NAALADL2: variants seen among roughly 807,000 people sequenced by gnomAD.
NAALADL2 encodes the protein inactive N-acetylated-alpha-linked acidic dipeptidase-like protein 2.
NAALADL2 carries 76 observed loss-of-function variants against 87.2 expected under a neutral mutation model. The observed-to-expected ratio is 0.87, with a 90% CI of 0.72 to 1.05. The LOEUF is 1.05. Among genes scored for constraint, NAALADL2 ranks in the 50% least tolerant of loss-of-function variants. NAALADL2 has a pLI of 0.00. For synonymous variants in NAALADL2, 354 were observed against 331.0 expected (o/e 1.07, Z -0.75); for missense variants, 1,089 against 945.8 (o/e 1.15, Z -1.99).
intron 2 of NAALADL2, among the ~76,000 whole-genome samples, chr3:175,157,761 C>T (rs534613677): frequency 1.6e-4 from 24 of 152,094 alleles, no homozygotes; most frequent in Admixed American, 2.6e-4. Context: ...AAAGTTATCT[C>T]GTAGAACAGT....
intron 2 of NAALADL2, among the ~76,000 whole-genome samples, chr3:175,120,636 A>C (rs1378255231): frequency 3.3e-5 from 5 of 151,822 alleles, no homozygotes; most frequent in Non-Finnish European, 5.9e-5. Flanking sequence ...TGCAATAAAA[A>C]GTCTGTTATC....
intron 1 of NAALADL2, among the ~76,000 whole-genome samples, chr3:174,890,471 A>G (rs917057063): frequency 2.6e-5 from 4 of 152,204 alleles, no homozygotes; most frequent in African/African-American, 9.7e-5. Flanking sequence ...GAAGCTAAAT[A>G]ATTAACTGTT....
chr3:174,901,911 C>A (rs1410868368), intron 1 of NAALADL2, among the ~76,000 whole-genome samples: 5 of 152,150 alleles, frequency 3.3e-5, no homozygotes, highest in African/African-American at 7.2e-5. Context: ...TACAGAAGAA[C>A]AAGAGACTGT....
rs75847258 is a variant in NAALADL2 at position 174,942,874 on chromosome 3, G to T, written c.43+83424G>T. On this transcript the variant is annotated intron_variant, in intron 1 of 13. Transcript: ENST00000454872. The stretch of plus-strand genomic sequence containing the variant: ...TGAAATTCTTGTATTTTGTCATTAA[G>T]CTTTATCAGATCCATTAGCTTCTTT... Among the ~76,000 whole-genome samples the T allele has an allele frequency of 3.6e-3, 551 of 152,198 alleles. 23 individuals are homozygous for T. The East Asian group carries it at 0.088, about 24-fold the overall frequency.
chr3:174,619,077 A>C (rs1720755816), intron 2 of NAALADL2, among the ~76,000 whole-genome samples: 1 of 151,944 alleles, frequency 6.6e-6, no homozygotes, highest in African/African-American at 2.4e-5. Context: ...TACATTGGTC[A>C]AGGTTAAAGC....
chr3:174,896,800 C>A (rs1276542299), intron 1 of NAALADL2, among the ~76,000 whole-genome samples: 5 of 152,150 alleles, frequency 3.3e-5, no homozygotes, highest in African/African-American at 1.2e-4. Flanking sequence ...GTAACCAAAG[C>A]AGCATGGAAT....
chr3:174,920,580 C>T (rs891372418), intron 1 of NAALADL2, among the ~76,000 whole-genome samples: 1 of 152,168 alleles, frequency 6.6e-6, no homozygotes, highest in South Asian at 2.1e-4. Context: ...TTTATCCTTC[C>T]ATTCATACCA....
intron 13 of NAALADL2, among the ~76,000 whole-genome samples, chr3:175,758,072 C>T (rs957050714): frequency 1.3e-5 from 2 of 152,040 alleles, no homozygotes; most frequent in South Asian, 2.1e-4. Context: ...TTTTATTATC[C>T]GTTCAAAAAT....
chr3:174,504,511 A>T (rs34647670), intron 1 of NAALADL2, among the ~76,000 whole-genome samples: 39,443 of 151,990 alleles, frequency 0.26, 5,769 homozygotes, highest in South Asian at 0.36. Flanking sequence ...TGCAGAGTAG[A>T]AGAGACTTGT....
At chr3:175,447,507 C>T (rs932849061) in intron 6 of NAALADL2, 135 bp downstream of exon 6, 6 of 549,604 alleles carry the variant, frequency 1.1e-5, no homozygotes, top group Non-Finnish European at 1.7e-5. Flanking sequence ...GCATTATTTT[C>T]TTCTGTGGCT....
At chr3:175,361,278 T>G (rs1299745347) in intron 5 of NAALADL2, among the ~76,000 whole-genome samples, 2 of 149,578 alleles carry the variant, frequency 1.3e-5, no homozygotes, top group Non-Finnish European at 3.0e-5. Context: ...GATGGACATT[T>G]GGGTTGGTTC....
intron 3 of NAALADL2, among the ~76,000 whole-genome samples, chr3:174,798,755 A>G (rs1028097478): frequency 3.9e-5 from 6 of 152,204 alleles, no homozygotes; most frequent in South Asian, 4.1e-4. Context: ...TCAATTTTTT[A>G]TATATTTGAT....
chr3:175,663,748 T>A (rs1732587419), intron 11 of NAALADL2, among the ~76,000 whole-genome samples: 1 of 151,916 alleles, frequency 6.6e-6, no homozygotes, highest in South Asian at 2.1e-4. Context: ...TAAATTAAAA[T>A]TGGCACAAGA....
intron 1 of NAALADL2, among the ~76,000 whole-genome samples, chr3:174,986,196 T>G (rs1414428772): frequency 1.3e-5 from 2 of 150,278 alleles, no homozygotes; most frequent in Non-Finnish European, 1.5e-5. Flanking sequence ...AGATTACTAT[T>G]AGAAAATACC....
At chr3:174,874,447 C>T (rs12696366) in intron 1 of NAALADL2, among the ~76,000 whole-genome samples, 24,384 of 152,096 alleles carry the variant, frequency 0.16, 2,098 homozygotes, top group East Asian at 0.3. Context: ...GGTTGCATTG[C>T]AGCAGGTGCA....
intron 9 of NAALADL2, among the ~76,000 whole-genome samples, chr3:175,534,071 A>G (rs528049914): frequency 1.3e-5 from 2 of 151,258 alleles, no homozygotes; most frequent in South Asian, 4.2e-4. Flanking sequence ...TAAATAAATT[A>G]TTTATTATGC....
intron 1 of NAALADL2, among the ~76,000 whole-genome samples, chr3:174,985,734 C>A (rs1042807493): frequency 1.3e-5 from 2 of 152,096 alleles, no homozygotes; most frequent in Non-Finnish European, 2.9e-5. Flanking sequence ...GGGATGGTCA[C>A]CTGAGGTCGG....
At chr3:174,845,608 G>A (rs1243693688) in intron 3 of NAALADL2, among the ~76,000 whole-genome samples, 1 of 152,218 alleles carries the variant, frequency 6.6e-6, no homozygotes, top group African/African-American at 2.4e-5. Flanking sequence ...CCAGGGCTGG[G>A]TGTGTTCAGG....
intron 2 of NAALADL2, among the ~76,000 whole-genome samples, chr3:175,143,675 T>G (rs1730349661): frequency 6.6e-6 from 1 of 151,776 alleles, no homozygotes; most frequent in Admixed American, 6.6e-5. Flanking sequence ...TGGAAAATAA[T>G]TCATTGAATC....
Sources: allele counts gnomAD v4.1 joint callset (sites outside exome capture counted in the v4.1 genomes callset), GRCh38; gene constraint gnomAD v4.1.1; transcripts MANE v1.5; gene names NCBI Gene and HGNC (gene_info 2026-07-23, HGNC 2026-07-21).